The following DSG1 variants were observed in gnomAD, a reference collection of about 807,000 sequenced individuals.
The protein encoded by DSG1 is desmoglein 1, also known as desmoglein-1.
A neutral mutation model predicts 97.5 loss-of-function variants in DSG1; 39 were observed. The ratio of observed to expected loss-of-function variants is 0.40; its 90% confidence interval spans 0.31 to 0.52. DSG1 has a LOEUF of 0.52. Among genes scored for constraint, DSG1 ranks in the 20% least tolerant of loss-of-function variants. The probability of loss-of-function intolerance (pLI) is 0.53; values close to 1 mark genes in which losing one functional copy is unlikely to be tolerated. For missense variants in DSG1, 1,311 were observed against 1,295.4 expected (o/e 1.01, Z -0.18); for synonymous variants, 475 against 443.4 (o/e 1.07, Z -0.90).
At position 31,356,298 on chromosome 18, in the gene DSG1, T is replaced by C. The variant is rs2071957522; in HGVS notation, c.*952T>C. 1 of 152,200 alleles carries C rather than the reference T, an allele frequency of 6.6e-6. No homozygotes were observed. Among genetic ancestry groups the C allele is most frequent in the Admixed American group, 6.5e-5 (1 of 15,276 alleles). The allele number at this position is 152,200 out of a possible 1,614,324, so 9.4% of individuals were successfully genotyped here. On this transcript the variant is annotated 3_prime_UTR_variant, in exon 15 of 15. Transcript: ENST00000257192. Reference sequence around the variant, plus strand: ...GAATTGTGTTTTCAGGTTTTGTTTTTAGTAGGTGATATTCATTCGTATCCA... The same window carrying C: ...GAATTGTGTTTTCAGGTTTTGTTTTCAGTAGGTGATATTCATTCGTATCCA...
In DSG1 at chr18:31,343,545, C is replaced by A. The variant is rs2071804904; in HGVS notation, c.1783C>A (p.His595Asn). 6.2e-7 allele frequency: 1 copy of A among 1,613,992 alleles called. No homozygotes were observed. Among genetic ancestry groups the A allele is most frequent in the African/African-American group, 1.3e-5 (1 of 74,894 alleles). ...TCCCGAATGTTCAGATGGAGCAATT[C>A]ATTCATGGGCAGTAGAAGGACCACA... ...PVPECSDGAI[H>N]SWAVEGPQPE... Residue 595 changes from histidine (H) to asparagine (N), a missense_variant, in exon 12 of 15, where the codon CAT becomes AAT. Physicochemically the swap from His to Asn is moderately conservative, Grantham distance 68 (BLOSUM62 1). This residue lies in a region of DSG1 where 1,038 missense variants were observed against 964.6 expected (regional missense o/e 1.08). Transcript: ENST00000257192.
In DSG1 at chr18:31,354,861, G is replaced by A. The variant is rs1484944443; in HGVS notation, c.2665G>A (p.Gly889Arg). The A allele has an allele frequency of 6.2e-7, 1 of 1,614,042 alleles. No individual in the cohort carries two copies. The highest frequency in any genetic ancestry group is 1.3e-5 in the African/African-American group (1 of 74,912). Residue 889 changes from glycine to arginine, a missense_variant, in exon 15 of 15, where the codon GGG (glycine) becomes AGG (arginine). Gly to Arg is a moderately radical substitution (Grantham distance 125). Transcript: ENST00000257192. ...GMLEMPDLRD[G>R]SNVIVTERVI... is the part of the protein sequence containing the mutation. ...GTTAGAGATGCCTGACTTGCGAGAT[G>A]GGTCGAATGTTATAGTGACAGAAAG...
At chr18:31,340,954 A>G (rs1462051685) in intron 11 of DSG1, among the ~76,000 whole-genome samples, 1 of 152,230 alleles carries the variant, frequency 6.6e-6, no homozygotes, top group African/African-American at 2.4e-5. Context: ...TTTGCCATGT[A>G]TGAAATAATA....
intron 10 of DSG1, among the ~76,000 whole-genome samples, chr18:31,339,400 G>A (rs933494467): frequency 1.3e-5 from 2 of 151,964 alleles, no homozygotes; most frequent in Admixed American, 6.6e-5. Flanking sequence ...AGCAGGTGTC[G>A]TCCTTGGGTG....
chr18:31,345,018 T>C (rs1222382413), intron 13 of DSG1, among the ~76,000 whole-genome samples: 1 of 152,194 alleles, frequency 6.6e-6, no homozygotes, highest in African/African-American at 2.4e-5. Context: ...CCCCAATGTC[T>C]TCTCACCTCA....
At chr18:31,353,843 C>G (rs569633924) in intron 14 of DSG1, 3 of 214,770 alleles carry the variant, frequency 1.4e-5, no homozygotes, top group Non-Finnish European at 2.8e-5. Context: ...GCACAGTGGA[C>G]GCACCCACTG....
In DSG1 at chr18:31,355,372, A is replaced by G. The variant is rs2071947805; in HGVS notation, c.*26A>G. The G allele has an allele frequency of 6.2e-7, 1 of 1,608,964 alleles. No homozygotes were observed. The highest frequency in any genetic ancestry group is 8.5e-7 in the Non-Finnish European group (1 of 1,176,200). ...TCAGGACCCCAGCTCACTTTTTCAT[A>G]GTCATTGTGGTTTAGATCCAATTCC... On this transcript the variant is annotated 3_prime_UTR_variant, in exon 15 of 15. Coordinates refer to ENST00000257192, the MANE Select transcript of DSG1 (RefSeq NM_001942.4).
At chr18:31,349,446 C>A (rs1026272562) in intron 14 of DSG1, among the ~76,000 whole-genome samples, 4 of 151,150 alleles carry the variant, frequency 2.6e-5, no homozygotes, top group African/African-American at 4.9e-5. Context: ...CGTGGCGATG[C>A]GGGCTCCTTT....
At position 31,336,346 on chromosome 18, in the gene DSG1, T is replaced by C. The variant is rs1184535588; in HGVS notation, c.1006-8T>C. 4 of 1,612,452 alleles carry C rather than the reference T, an allele frequency of 2.5e-6. No homozygotes were observed. Among genetic ancestry groups the C allele is most frequent in the African/African-American group, 1.3e-5 (1 of 75,012 alleles). On this transcript the variant is annotated splice_polypyrimidine_tract_variant and splice_region_variant and intron_variant, in intron 8 of 14. Transcript: ENST00000257192. ...TATAATGAAACTATTTTACTCTGTA[T>C]TTTCTAGCCCTTAGATTATGAAGCT...
Position 31,336,023 on chromosome 18 carries a change from A to G in DSG1, c.1006-331A>G, listed in dbSNP as rs543422186. Among the ~76,000 whole-genome samples the G allele has an allele frequency of 4.6e-5, 7 of 152,098 alleles. No individual in the cohort carries two copies. In the South Asian group the frequency reaches 8.3e-4, roughly 18 times the overall value. On this transcript the variant is annotated intron_variant, in intron 8 of 14. Transcript: ENST00000257192. ...TGAAAAACATAAAATGATTGAAGGT[A>G]GGATAAATTGTCTTTGCACTAAAAA...
intron 14 of DSG1, chr18:31,353,805 G>A (rs931320958): frequency 5.8e-6 from 1 of 172,622 alleles, no homozygotes; most frequent in Non-Finnish European, 1.2e-5. Flanking sequence ...TCCCAAGTGA[G>A]GCAATGCCTC....
At chr18:31,328,122 C>A in intron 3 of DSG1, 67 bp from the exon 4 acceptor site, 1 of 1,530,162 alleles carries the variant, frequency 6.5e-7, no homozygotes, top group Non-Finnish European at 9.0e-7. Context: ...CTCAAGAAAG[C>A]TGTCGTATAT....
chr18:31,339,189 A>G (rs1324397675), intron 10 of DSG1, among the ~76,000 whole-genome samples: 1 of 152,160 alleles, frequency 6.6e-6, no homozygotes, highest in Non-Finnish European at 1.5e-5. Flanking sequence ...CAACAGGGTA[A>G]GTAAACCATG....
At chr18:31,335,065 T>A (rs2071743500) in intron 8 of DSG1, among the ~76,000 whole-genome samples, 1 of 152,176 alleles carries the variant, frequency 6.6e-6, no homozygotes, top group Admixed American at 6.5e-5. Context: ...AACGACTCTG[T>A]CCCCATACGA....
Position 31,345,911 on chromosome 18 carries a change from A to G in DSG1, c.1892-79A>G. On this transcript the variant is annotated intron_variant, in intron 13 of 14. Coordinates refer to ENST00000257192, the MANE Select transcript of DSG1 (RefSeq NM_001942.4). The stretch of plus-strand genomic sequence containing the variant: ...AAATGCATACCTAAATGAAAAAATC[A>G]CATATTACAAGGCAAGTTGTTACTT... 10 of 1,108,504 alleles carry G rather than the reference A, an allele frequency of 9.0e-6. No individual in the cohort carries two copies. The South Asian group carries it at 1.4e-4, about 15-fold the overall frequency. 68.7% of individuals were successfully genotyped at this position (1,108,504 alleles called of 1,614,324 possible).
At chr18:31,321,190 G>A (rs9947444) in intron 1 of DSG1, among the ~76,000 whole-genome samples, 58,151 of 151,698 alleles carry the variant, frequency 0.38, 12,693 homozygotes, top group Non-Finnish European at 0.49. Flanking sequence ...ATATGAGCAG[G>A]AGTTTTTAAG....
Position 31,328,194 on chromosome 18 carries a change from C to A in DSG1, c.222C>A (p.His74Gln). ...TACTTGTGTTCCTTCTGCAGATTCA[C>A]TCAGATTGTGCTGCAAACCAGCAAG... is the stretch of plus-strand genomic sequence containing the variant. ...NSKRNPIAKI[H>Q]SDCAANQQVT... The change falls in exon 4 of 15, where the codon CAC (histidine) becomes CAA (glutamine). Residue 74 changes from histidine (H) to glutamine (Q), a missense_variant. His to Gln is a conservative substitution (Grantham distance 24). Around this residue, in one of 3 missense-constraint regions of DSG1, gnomAD observed 259 missense variants for 304.1 expected, o/e 0.85. Transcript: ENST00000257192. The A allele has an allele frequency of 6.2e-7, 1 of 1,613,366 alleles. No homozygotes were observed. Among genetic ancestry groups the A allele is most frequent in the South Asian group, 1.1e-5 (1 of 91,068 alleles).
intron 11 of DSG1, among the ~76,000 whole-genome samples, chr18:31,343,007 C>T (rs2071800223): frequency 6.6e-6 from 1 of 151,484 alleles, no homozygotes; most frequent in Non-Finnish European, 1.5e-5. Flanking sequence ...ACCTCCCTGG[C>T]TCAAGCCATC....
chr18:31,342,587 C>T (rs199935087), intron 11 of DSG1, among the ~76,000 whole-genome samples: 3 of 152,018 alleles, frequency 2.0e-5, no homozygotes, highest in Non-Finnish European at 4.4e-5. Context: ...AATAAGAAAA[C>T]TCCACTTAAC....
Sources: gnomAD v4.1 joint callset for allele counts (sites outside exome capture counted in the v4.1 genomes callset) on GRCh38, gnomAD v4.1.1 for gene constraint, gnomAD v4.1.1 regional missense constraint, MANE v1.5 for transcripts, NCBI Gene and HGNC (gene_info 2026-07-23, HGNC 2026-07-21) for gene names.